DCC: variants seen among roughly 807,000 people sequenced by gnomAD.
The protein encoded by DCC is netrin receptor DCC.
In DCC, 58 loss-of-function variants were observed where a neutral mutation model predicts 172.5. The observed-to-expected ratio is 0.34, with a 90% CI of 0.27 to 0.42. The LOEUF (loss-of-function observed/expected upper bound fraction) is 0.42. DCC is among the 10% of genes least tolerant of loss of function. The pLI, the probability that DCC is intolerant of heterozygous loss-of-function variation, is 1.00. For synonymous variants in DCC, 709 were observed against 644.5 expected (o/e 1.10, Z -1.52); for missense variants, 1,740 against 1,791.0 (o/e 0.97, Z 0.51).
intron 5 of DCC, among the ~76,000 whole-genome samples, chr18:53,047,152 G>T (rs555740555): frequency 1.4e-5 from 2 of 144,888 alleles, no homozygotes; most frequent in South Asian, 4.4e-4. Flanking sequence ...TATAACTCAT[G>T]TGCTGTTTAC....
intron 7 of DCC, among the ~76,000 whole-genome samples, chr18:53,153,296 G>A (rs1445492970): frequency 6.6e-6 from 1 of 152,100 alleles, no homozygotes. Context: ...TACATTTTGA[G>A]TAAATGTGCT....
chr18:52,479,261 A>G (rs924475708), intron 1 of DCC, among the ~76,000 whole-genome samples: 4 of 152,214 alleles, frequency 2.6e-5, no homozygotes, highest in Non-Finnish European at 5.9e-5. Flanking sequence ...GATTTAATCT[A>G]TCTTTTTAAG....
chr18:52,795,006 A>G (rs754129228), intron 2 of DCC, among the ~76,000 whole-genome samples: 3 of 151,858 alleles, frequency 2.0e-5, no homozygotes, highest in African/African-American at 7.2e-5. Flanking sequence ...TATCTTTTCA[A>G]TGTGTTGTTG....
chr18:53,495,367 G>C (rs572327574), intron 26 of DCC, among the ~76,000 whole-genome samples: 1 of 132,894 alleles, frequency 7.5e-6, no homozygotes, highest in South Asian at 2.4e-4. Flanking sequence ...TCCAGCCTGG[G>C]TAACAGAGCA....
At chr18:53,396,714 G>C (rs543340842) in intron 17 of DCC, among the ~76,000 whole-genome samples, 28 of 152,306 alleles carry the variant, frequency 1.8e-4, no homozygotes, top group African/African-American at 4.8e-4. Context: ...TGAGATACAT[G>C]ATGAGCAGTA....
chr18:53,153,954 G>A (rs182190834), intron 7 of DCC, among the ~76,000 whole-genome samples: 3 of 152,320 alleles, frequency 2.0e-5, no homozygotes, highest in Admixed American at 6.5e-5. Flanking sequence ...GAGGACAGGC[G>A]ATCTGAGCTG....
chr18:52,663,469 T>C (rs896613176), intron 1 of DCC, among the ~76,000 whole-genome samples: 1 of 152,126 alleles, frequency 6.6e-6, no homozygotes, highest in African/African-American at 2.4e-5. Flanking sequence ...GACCTAGATG[T>C]GTTCACCTTC....
At chr18:52,623,484 G>A (rs563023526) in intron 1 of DCC, among the ~76,000 whole-genome samples, 1 of 152,292 alleles carries the variant, frequency 6.6e-6, no homozygotes, top group African/African-American at 2.4e-5. Context: ...TGTGGGGGGA[G>A]AGAGAGGCAT....
chr18:53,464,979 CAAAAAAAAAAA>C (rs71179510), intron 24 of DCC, among the ~76,000 whole-genome samples: 11 of 54,850 alleles, frequency 2.0e-4, no homozygotes, highest in Middle Eastern at 0.013. Context: ...AACTCAATCT[CAAAAAAAAAAA>C]AAAAAAAAAA....
intron 5 of DCC, among the ~76,000 whole-genome samples, chr18:52,946,502 T>G (rs2040548325): frequency 6.6e-6 from 1 of 152,108 alleles, no homozygotes; most frequent in Non-Finnish European, 1.5e-5. Context: ...GTCTTTGGGT[T>G]GGTGGCAGTT....
intron 7 of DCC, among the ~76,000 whole-genome samples, chr18:53,133,643 G>A (rs1024241001): frequency 6.6e-6 from 1 of 152,174 alleles, no homozygotes; most frequent in African/African-American, 2.4e-5. Flanking sequence ...AGATAAAACA[G>A]AAAACTATTA....
At chr18:53,322,705 A>C (rs2057426675) in intron 14 of DCC, among the ~76,000 whole-genome samples, 1 of 151,664 alleles carries the variant, frequency 6.6e-6, no homozygotes, top group South Asian at 2.1e-4. Context: ...TATAAGATTT[A>C]TATATTAATA....
chr18:52,717,430 C>CT (rs59202776), intron 1 of DCC, among the ~76,000 whole-genome samples: 41,756 of 122,994 alleles, frequency 0.34, 7,341 homozygotes, highest in Admixed American at 0.4. Context: ...TTCTAAATTT[C>CT]TTTTTTTTTT....
intron 1 of DCC, among the ~76,000 whole-genome samples, chr18:52,705,974 A>C (rs934533867): frequency 4.6e-5 from 7 of 152,188 alleles, no homozygotes; most frequent in African/African-American, 1.7e-4. Context: ...AATGTAGGTC[A>C]CCTGGGCAAT....
chr18:52,961,479 G>A (rs1312966593), intron 5 of DCC, among the ~76,000 whole-genome samples: 2 of 152,146 alleles, frequency 1.3e-5, no homozygotes, highest in Admixed American at 6.6e-5. Flanking sequence ...TGGGGTCCTT[G>A]TCTGACAGTT....
chr18:53,027,643 A>G (rs143366758), intron 5 of DCC, among the ~76,000 whole-genome samples: 8 of 152,230 alleles, frequency 5.3e-5, no homozygotes, highest in African/African-American at 1.9e-4. Flanking sequence ...TGTCACTCAT[A>G]GCAGCAGTCA....
chr18:52,800,855 A>T (rs1202181877), intron 2 of DCC, among the ~76,000 whole-genome samples: 1 of 152,172 alleles, frequency 6.6e-6, no homozygotes, highest in Non-Finnish European at 1.5e-5. Context: ...TATTTATTTT[A>T]TTCATAATTC....
At chr18:52,449,896 G>C (rs1988248200) in intron 1 of DCC, among the ~76,000 whole-genome samples, 1 of 152,072 alleles carries the variant, frequency 6.6e-6, no homozygotes. Context: ...ATGATTGTGA[G>C]GCCTCCCCAG....
intron 15 of DCC, among the ~76,000 whole-genome samples, chr18:53,340,304 G>C (rs1408947516): frequency 6.6e-6 from 1 of 152,062 alleles, no homozygotes; most frequent in Middle Eastern, 3.2e-3. Flanking sequence ...CTTTGTTGTT[G>C]TCACTGGGAA....
Sources: allele counts gnomAD v4.1 joint callset (sites outside exome capture counted in the v4.1 genomes callset), GRCh38; gene constraint gnomAD v4.1.1; transcripts MANE v1.5; gene names NCBI Gene and HGNC (gene_info 2026-07-23, HGNC 2026-07-21).